The following PTPN9 variants were observed in gnomAD, a reference collection of about 807,000 sequenced individuals.
PTPN9 encodes tyrosine-protein phosphatase non-receptor type 9.
A neutral mutation model predicts 69.8 loss-of-function variants in PTPN9; 26 were observed. The observed-to-expected ratio is 0.37, with a 90% CI of 0.27 to 0.52. The LOEUF (loss-of-function observed/expected upper bound fraction) is 0.52. Among genes scored for constraint, PTPN9 ranks in the 20% least tolerant of loss-of-function variants. The pLI is 0.91. For synonymous variants in PTPN9, 274 were observed against 272.5 expected (o/e 1.01, Z -0.05); for missense variants, 549 against 740.3 (o/e 0.74, Z 3.00).
intron 1 of PTPN9, among the ~76,000 whole-genome samples, chr15:75,544,567 C>T (rs527415836): frequency 1.3e-5 from 2 of 152,122 alleles, no homozygotes; most frequent in African/African-American, 2.4e-5. Context: ...AACACACACA[C>T]ACAAAAACAA....
At chr15:75,537,442 C>CAAAAAAAAAAA (rs1567510749) in intron 1 of PTPN9, among the ~76,000 whole-genome samples, 25 of 49,738 alleles carry the variant, frequency 5.0e-4, no homozygotes, top group African/African-American at 3.1e-3. Flanking sequence ...AATATCTTCC[C>CAAAAAAAAAAA]TAAAAAAAAA....
intron 1 of PTPN9, among the ~76,000 whole-genome samples, chr15:75,551,306 G>A (rs2075055686): frequency 6.6e-6 from 1 of 152,058 alleles, no homozygotes; most frequent in Non-Finnish European, 1.5e-5. Flanking sequence ...AAGTCACATT[G>A]CTTCCCATGA....
In PTPN9 at chr15:75,578,824, G is replaced by C; in HGVS notation, c.-48C>G. 2 of 1,171,846 alleles carry C rather than the reference G, an allele frequency of 1.7e-6. No individual in the cohort carries two copies. Among genetic ancestry groups the C allele is most frequent in the Non-Finnish European group, 1.1e-6 (1 of 942,802 alleles). The allele number at this position is 1,171,846 out of a possible 1,614,324, so 72.6% of individuals were successfully genotyped here. A position where few individuals can be genotyped will look rare whatever the true frequency, so the allele number is the denominator to read the frequency against. On this transcript the variant is annotated 5_prime_UTR_variant, in exon 1 of 13. Coordinates refer to ENST00000618819, the MANE Select transcript of PTPN9 (RefSeq NM_002833.4). ...GGACAAAACTCGCTCGCGAGCGCGG[G>C]AGCCCGGCGCGCTCGGCCTCCGCTT...
intron 7 of PTPN9, among the ~76,000 whole-genome samples, chr15:75,505,384 A>G (rs1186037176): frequency 1.3e-5 from 2 of 148,588 alleles, no homozygotes; most frequent in African/African-American, 5.0e-5. Flanking sequence ...TTATCTGCCA[A>G]CCTTCCCTCC....
At chr15:75,576,100 C>T (rs988664323) in intron 1 of PTPN9, among the ~76,000 whole-genome samples, 3 of 140,972 alleles carry the variant, frequency 2.1e-5, no homozygotes, top group Non-Finnish European at 3.2e-5. Flanking sequence ...CATGGTGGCA[C>T]GCACGCCTGA....
intron 7 of PTPN9, among the ~76,000 whole-genome samples, chr15:75,503,941 G>A (rs2074794566): frequency 8.1e-6 from 1 of 123,140 alleles, no homozygotes; most frequent in East Asian, 2.6e-4. Context: ...GCCCCGTCCG[G>A]GAGGTGAGGG....
chr15:75,482,880 G>A (rs906175448), intron 8 of PTPN9, among the ~76,000 whole-genome samples: 36 of 151,952 alleles, frequency 2.4e-4, no homozygotes, highest in Admixed American at 2.0e-3. Context: ...GCATAAACCC[G>A]GGAGATGGAG....
intron 7 of PTPN9, among the ~76,000 whole-genome samples, chr15:75,496,322 A>G (rs898180821): frequency 1.3e-5 from 2 of 151,922 alleles, no homozygotes; most frequent in Admixed American, 1.3e-4. Context: ...ATCATTTCAT[A>G]GTAGCCCATG....
At chr15:75,557,955 G>A (rs147099083) in intron 1 of PTPN9, among the ~76,000 whole-genome samples, 5,425 of 151,636 alleles carry the variant, frequency 0.036, 128 homozygotes, top group Middle Eastern at 0.16. Flanking sequence ...AGCACTTTGG[G>A]AGGCCAAGGT....
intron 6 of PTPN9, 55 bp downstream of exon 6, chr15:75,508,862 C>A: frequency 7.5e-7 from 1 of 1,325,760 alleles, no homozygotes; most frequent in Non-Finnish European, 1.1e-6. Flanking sequence ...AATTAATTGG[C>A]AGGAATTCAC....
rs116763893 is a variant in PTPN9 at position 75,549,781 on chromosome 15, C to T, written c.64-22520G>A. Reference sequence around the variant, plus strand: ...CTTGAGACCACGGGTTCAAAACCAGCCTAAGCAACATGGCAAGCCCTCGTC... The same window carrying T: ...CTTGAGACCACGGGTTCAAAACCAGTCTAAGCAACATGGCAAGCCCTCGTC... On this transcript the variant is annotated intron_variant, in intron 1 of 12. Coordinates refer to ENST00000618819, the MANE Select transcript of PTPN9 (RefSeq NM_002833.4). Among the ~76,000 whole-genome samples, 1,114 of 152,186 alleles carry T rather than the reference C, an allele frequency of 7.3e-3. 13 individuals carry two copies. The highest frequency in any genetic ancestry group is 0.026 in the African/African-American group (1,063 of 41,526).
intron 8 of PTPN9, among the ~76,000 whole-genome samples, chr15:75,480,187 T>C (rs1284437982): frequency 1.3e-5 from 2 of 152,088 alleles, no homozygotes; most frequent in South Asian, 2.1e-4. Context: ...ATTAAAACTA[T>C]TAAAACTCTC....
At chr15:75,486,781 G>GTTT (rs34430924) in intron 8 of PTPN9, among the ~76,000 whole-genome samples, 41 of 118,498 alleles carry the variant, frequency 3.5e-4, no homozygotes, top group East Asian at 7.4e-4. Flanking sequence ...CATATGTGGT[G>GTTT]TTTTTTTTTT....
intron 1 of PTPN9, among the ~76,000 whole-genome samples, chr15:75,531,559 C>T (rs1366597952): frequency 6.6e-6 from 1 of 151,792 alleles, no homozygotes; most frequent in Admixed American, 6.6e-5. Context: ...GACATGGTAC[C>T]TGTTTTTGTT....
At chr15:75,553,204 C>G (rs2075063197) in intron 1 of PTPN9, among the ~76,000 whole-genome samples, 1 of 152,002 alleles carries the variant, frequency 6.6e-6, no homozygotes, top group African/African-American at 2.4e-5. Flanking sequence ...AGGATATGTG[C>G]AAGTAAATCA....
intron 1 of PTPN9, among the ~76,000 whole-genome samples, chr15:75,531,162 T>C (rs748220844): frequency 3.3e-5 from 5 of 151,564 alleles, no homozygotes; most frequent in Admixed American, 6.6e-5. Context: ...AAAAGTACTT[T>C]ATAAACCCCA....
chr15:75,546,648 A>G (rs1438571929), intron 1 of PTPN9, among the ~76,000 whole-genome samples: 1 of 152,046 alleles, frequency 6.6e-6, no homozygotes, highest in African/African-American at 2.4e-5. Flanking sequence ...GTCTCAAAAA[A>G]AAAAAAGAAA....
At chr15:75,509,727 T>C (rs1437697101) in intron 5 of PTPN9, among the ~76,000 whole-genome samples, 1 of 152,112 alleles carries the variant, frequency 6.6e-6, no homozygotes, top group East Asian at 1.9e-4. Flanking sequence ...CTCACGCCTG[T>C]AATCCCAGCA....
At chr15:75,493,072 C>A (rs551557072) in intron 7 of PTPN9, among the ~76,000 whole-genome samples, 3 of 151,976 alleles carry the variant, frequency 2.0e-5, no homozygotes, top group Admixed American at 2.0e-4. Flanking sequence ...GGAGGATCAC[C>A]TAAGCTTGGG....
Sources: allele counts gnomAD v4.1 joint callset (sites outside exome capture counted in the v4.1 genomes callset), GRCh38; gene constraint gnomAD v4.1.1; transcripts MANE v1.5; gene names NCBI Gene and HGNC (gene_info 2026-07-23, HGNC 2026-07-21).